Variants in CTBP2 observed in about 807,000 individuals in gnomAD.
The protein encoded by CTBP2 is C-terminal-binding protein 2.
CTBP2 carries 30 observed loss-of-function variants against 80.3 expected under a neutral mutation model. The observed-to-expected ratio is 0.37, with a 90% CI of 0.28 to 0.51. The LOEUF (loss-of-function observed/expected upper bound fraction) is 0.51. CTBP2 is among the 20% of genes least tolerant of loss of function. CTBP2 has a pLI of 0.93. For synonymous variants in CTBP2, 594 were observed against 587.4 expected, an observed-to-expected ratio of 1.01 and a Z score of -0.16; for missense variants, 1,212 against 1,375.3, an observed-to-expected ratio of 0.88 and a Z score of 1.88.
intron 4 of CTBP2, among the ~76,000 whole-genome samples, chr10:124,995,730 C>G (rs962405485): frequency 6.6e-6 from 1 of 152,222 alleles, no homozygotes; most frequent in Non-Finnish European, 1.5e-5. Context: ...CGAACCATCA[C>G]GCCTCTCCTC....
chr10:125,121,370 A>G (rs1854295061), intron 1 of CTBP2, among the ~76,000 whole-genome samples: 1 of 152,252 alleles, frequency 6.6e-6, no homozygotes, highest in African/African-American at 2.4e-5. Flanking sequence ...ACAGTCCTGG[A>G]AAGAAAAGAG....
chr10:125,151,977 G>A (rs1487235124), intron 1 of CTBP2, among the ~76,000 whole-genome samples: 2 of 152,146 alleles, frequency 1.3e-5, no homozygotes, highest in African/African-American at 2.4e-5. Flanking sequence ...GGCGGGAAGC[G>A]GCTCCATTTA....
chr10:125,054,296 T>C (rs1190278016), intron 2 of CTBP2, among the ~76,000 whole-genome samples: 1 of 152,098 alleles, frequency 6.6e-6, no homozygotes, highest in Non-Finnish European at 1.5e-5. Flanking sequence ...ACTTCTGAGA[T>C]TAGGTTAAAA....
chr10:125,070,852 G>T (rs894999001), intron 2 of CTBP2, among the ~76,000 whole-genome samples: 1 of 152,048 alleles, frequency 6.6e-6, no homozygotes, highest in Admixed American at 6.6e-5. Flanking sequence ...TTTAGTAGAG[G>T]CAGGATTTCA....
chr10:125,058,517 C>A (rs919793839), intron 2 of CTBP2, among the ~76,000 whole-genome samples: 2 of 152,170 alleles, frequency 1.3e-5, no homozygotes, highest in Non-Finnish European at 2.9e-5. Flanking sequence ...CACGGCCGGG[C>A]GCGGTGGCTT....
At chr10:125,050,637 A>C (rs1293709166) in intron 2 of CTBP2, among the ~76,000 whole-genome samples, 1 of 151,996 alleles carries the variant, frequency 6.6e-6, no homozygotes, top group Non-Finnish European at 1.5e-5. Context: ...GGCTCACAAG[A>C]GTTCTTTTGT....
chr10:125,082,116 C>T (rs556159709), intron 2 of CTBP2, among the ~76,000 whole-genome samples: 1 of 144,822 alleles, frequency 6.9e-6, no homozygotes, highest in East Asian at 2.0e-4. Flanking sequence ...CAAAGCTTGG[C>T]GTGCCCTCCC....
chr10:125,017,722 C>A (rs74163309), intron 1 of CTBP2, among the ~76,000 whole-genome samples: 1 of 152,326 alleles, frequency 6.6e-6, no homozygotes, highest in South Asian at 2.1e-4. Context: ...AGTTTGGCCC[C>A]GCAGTCGGAG....
At chr10:125,146,714 C>T (rs1465874470) in intron 1 of CTBP2, among the ~76,000 whole-genome samples, 2 of 152,130 alleles carry the variant, frequency 1.3e-5, no homozygotes, top group South Asian at 2.1e-4. Flanking sequence ...TGCCATTTCA[C>T]GCACATGACC....
chr10:125,025,755 G>GC (rs1438602464), intron 1 of CTBP2, among the ~76,000 whole-genome samples: 1 of 152,194 alleles, frequency 6.6e-6, no homozygotes, highest in Non-Finnish European at 1.5e-5. Flanking sequence ...GCTCAAGGCT[G>GC]CAGTCTGTTC....
chr10:125,027,819 T>C lies in CTBP2; in HGVS notation c.-60A>G, dbSNP rs1448267790. The C allele has an allele frequency of 6.9e-7, 1 of 1,453,836 alleles. No homozygotes were observed. The highest frequency in any genetic ancestry group is 2.5e-5 in the Admixed American group (1 of 39,230). 90.1% of individuals were successfully genotyped at this position (1,453,836 alleles called of 1,614,324 possible). On this transcript the variant is annotated 5_prime_UTR_variant, in exon 1 of 9. Transcript: ENST00000309035. ...AAGCTTTTCTTTATAAATCTTCAAT[T>C]ACATACATCAAAAACAGACCTGGCT...
rs746621681 is a variant in CTBP2 at position 124,998,189 on chromosome 10, A to G, written c.1979-19T>C. ...GCAATTCCTGAAAGGGATGAGGCCA[A>G]GGCCGGAGATGAGAAAACCTCAAGA... On this transcript the variant is annotated intron_variant, in intron 3 of 8. Coordinates refer to ENST00000309035, the MANE Select transcript of CTBP2 (RefSeq NM_022802.3). 5 of 1,588,710 alleles carry G rather than the reference A, an allele frequency of 3.1e-6. No individual in the cohort carries two copies. The highest frequency in any genetic ancestry group is 3.4e-6 in the Non-Finnish European group (4 of 1,168,280).
intron 2 of CTBP2, among the ~76,000 whole-genome samples, chr10:125,044,469 C>T (rs546679925): frequency 6.6e-6 from 1 of 152,342 alleles, no homozygotes; most frequent in East Asian, 1.9e-4. Context: ...GCTCAGGCCA[C>T]CTCAAAAGAG....
At chr10:125,038,805 A>C (rs1173588901) in intron 3 of CTBP2, among the ~76,000 whole-genome samples, 192 bp downstream of exon 3, 1 of 152,192 alleles carries the variant, frequency 6.6e-6, no homozygotes, top group Non-Finnish European at 1.5e-5. Context: ...CCCAGAAGCC[A>C]GGCCTTGTCC....
At chr10:125,078,023 G>A (rs1282025991) in intron 2 of CTBP2, among the ~76,000 whole-genome samples, 1 of 152,216 alleles carries the variant, frequency 6.6e-6, no homozygotes, top group Non-Finnish European at 1.5e-5. Flanking sequence ...GCTCACGCCT[G>A]TAATCCCAGC....
At chr10:125,095,069 G>A (rs1297402474) in intron 2 of CTBP2, among the ~76,000 whole-genome samples, 1 of 152,124 alleles carries the variant, frequency 6.6e-6, no homozygotes, top group Non-Finnish European at 1.5e-5. Flanking sequence ...AAGTGTGGCT[G>A]AGGTGGAGCT....
intron 2 of CTBP2, among the ~76,000 whole-genome samples, chr10:125,041,423 T>A (rs72830862): frequency 0.045 from 6,763 of 150,142 alleles, 203 homozygotes; most frequent in Middle Eastern, 0.076. Context: ...AAAAAAAGAG[T>A]CCCTAACTAT....
chr10:125,039,508 A>G (rs1959182968), intron 2 of CTBP2, among the ~76,000 whole-genome samples: 1 of 152,244 alleles, frequency 6.6e-6, no homozygotes, highest in Admixed American at 6.5e-5. Flanking sequence ...AGACCAAGTG[A>G]CAGCCAGTTG....
At chr10:125,101,616 G>A (rs1364212401) in intron 2 of CTBP2, among the ~76,000 whole-genome samples, 4 of 152,198 alleles carry the variant, frequency 2.6e-5, no homozygotes, top group African/African-American at 9.6e-5. Flanking sequence ...CATCCCAAGT[G>A]CCAGGTGGAA....
Sources: allele counts gnomAD v4.1 joint callset (sites outside exome capture counted in the v4.1 genomes callset), GRCh38; gene constraint gnomAD v4.1.1; transcripts MANE v1.5; gene names NCBI Gene and HGNC (gene_info 2026-07-23, HGNC 2026-07-21).